Variants in CEP112 observed in about 807,000 individuals in gnomAD.
CEP112 encodes centrosomal protein of 112 kDa.
Under a neutral mutation model 153.0 loss-of-function variants are expected in CEP112, and 127 were observed. The observed-to-expected ratio is 0.83, with a 90% CI of 0.72 to 0.96. CEP112 has a LOEUF of 0.96. Among genes scored for constraint, CEP112 ranks in the 40% least tolerant of loss-of-function variants. The pLI is 0.00. For synonymous variants in CEP112, 358 were observed against 374.4 expected, an observed-to-expected ratio of 0.96 and a Z score of 0.51; for missense variants, 1,089 against 1,101.2, an observed-to-expected ratio of 0.99 and a Z score of 0.16.
In CEP112 at chr17:65,730,462, C is replaced by T. The variant is rs946249347; in HGVS notation, c.2607+12606G>A. 7.9e-5 allele frequency among the ~76,000 whole-genome samples: 12 copies of T among 152,224 alleles called. No individual in the cohort carries two copies. In the South Asian group the frequency reaches 1.0e-3, roughly 13 times the overall value. ...TTTCTTTCTGAGTGAGCAGGCAAACCTTCTTAGGTGGGATGGAAAATACAT... is the reference window on the plus strand; with the variant it reads ...TTTCTTTCTGAGTGAGCAGGCAAACTTTCTTAGGTGGGATGGAAAATACAT... On this transcript the variant is annotated intron_variant, in intron 23 of 26. Transcript: ENST00000535342.
chr17:65,654,938 A>C, intron 24 of CEP112: 1 of 630,712 alleles, frequency 1.6e-6, no homozygotes, highest in Non-Finnish European at 3.0e-6. Flanking sequence ...GATCCATCCT[A>C]AAGCACAAAT....
intron 23 of CEP112, among the ~76,000 whole-genome samples, chr17:65,711,439 A>G (rs1449079515): frequency 1.3e-5 from 2 of 152,234 alleles, no homozygotes; most frequent in African/African-American, 2.4e-5. Flanking sequence ...ACATAAAAAC[A>G]CAATGTTAGC....
intron 24 of CEP112, among the ~76,000 whole-genome samples, chr17:65,643,596 C>G (rs149461442): frequency 1.3e-5 from 2 of 152,110 alleles, no homozygotes; most frequent in East Asian, 1.9e-4. Flanking sequence ...CCATGACACC[C>G]GGGCCCCCTG....
At chr17:65,763,908 G>C (rs780629384) in intron 21 of CEP112, among the ~76,000 whole-genome samples, 1 of 151,910 alleles carries the variant, frequency 6.6e-6, no homozygotes, top group Non-Finnish European at 1.5e-5. Context: ...GATGTATTGG[G>C]TATATGGAAC....
At chr17:66,125,763 A>G (rs1291672074) in intron 6 of CEP112, among the ~76,000 whole-genome samples, 12 of 152,054 alleles carry the variant, frequency 7.9e-5, no homozygotes, top group Non-Finnish European at 1.3e-4. Flanking sequence ...AGAAGAGAAA[A>G]AGAAGAGAAA....
intron 12 of CEP112, among the ~76,000 whole-genome samples, chr17:66,038,531 G>C (rs1052753581): frequency 6.6e-6 from 1 of 152,014 alleles, no homozygotes; most frequent in Non-Finnish European, 1.5e-5. Flanking sequence ...GAGCTGAGAG[G>C]ATGCAAAATA....
intron 17 of CEP112, among the ~76,000 whole-genome samples, chr17:65,969,082 A>T (rs1273384666): frequency 2.1e-5 from 3 of 141,354 alleles, no homozygotes; most frequent in Non-Finnish European, 3.0e-5. Context: ...GTGTGTGTGG[A>T]TTTTTTTTTT....
intron 23 of CEP112, among the ~76,000 whole-genome samples, chr17:65,740,854 T>C (rs748673575): frequency 2.0e-5 from 3 of 152,214 alleles, no homozygotes; most frequent in Non-Finnish European, 4.4e-5. Flanking sequence ...ATAATCAGAA[T>C]GTCCAAATCA....
At chr17:66,129,859 A>C (rs1450249681) in intron 5 of CEP112, 36 bp from the exon 6 acceptor site, 4 of 1,326,954 alleles carry the variant, frequency 3.0e-6, no homozygotes, top group Non-Finnish European at 4.3e-6. Context: ...GAGGAGAGGA[A>C]GGAAAGATGG....
intron 21 of CEP112, among the ~76,000 whole-genome samples, chr17:65,805,637 T>C (rs1019167127): frequency 6.6e-6 from 1 of 152,224 alleles, no homozygotes; most frequent in Non-Finnish European, 1.5e-5. Context: ...TTTAGTTTTT[T>C]GGAAACTGAC....
intron 12 of CEP112, among the ~76,000 whole-genome samples, chr17:66,051,127 A>G (rs1005873578): frequency 7.5e-6 from 1 of 132,812 alleles, no homozygotes; most frequent in Non-Finnish European, 1.6e-5. Context: ...CTACAAGCAC[A>G]CCCCCCCGGG....
intron 23 of CEP112, among the ~76,000 whole-genome samples, chr17:65,737,353 T>C (rs188664627): frequency 3.7e-4 from 56 of 152,302 alleles, no homozygotes; most frequent in African/African-American, 1.3e-3. Context: ...CATTATGTTG[T>C]TATGAGTCAA....
At chr17:65,958,575 G>T (rs1050197105) in intron 18 of CEP112, among the ~76,000 whole-genome samples, 1 of 151,592 alleles carries the variant, frequency 6.6e-6, no homozygotes, top group Non-Finnish European at 1.5e-5. Context: ...GGGTGCTGTC[G>T]CATGCCAGCC....
intron 17 of CEP112, among the ~76,000 whole-genome samples, chr17:65,971,408 C>T (rs1264404457): frequency 5.9e-5 from 3 of 50,552 alleles, no homozygotes; most frequent in Non-Finnish European, 1.3e-4. Flanking sequence ...GTATATTGCA[C>T]CCATGCAGCA....
At chr17:66,049,830 A>C (rs1451971601) in intron 12 of CEP112, among the ~76,000 whole-genome samples, 3 of 152,172 alleles carry the variant, frequency 2.0e-5, no homozygotes, top group African/African-American at 7.2e-5. Context: ...ATAGATCCCT[A>C]AGCAGGAGTA....
chr17:65,675,632 TAAAAG>T (rs77557844), intron 24 of CEP112, among the ~76,000 whole-genome samples: 16,854 of 151,832 alleles, frequency 0.11, 1,085 homozygotes, highest in Admixed American at 0.2. Flanking sequence ...AATATTATAA[TAAAAG>T]AAAACTATAG....
intron 17 of CEP112, among the ~76,000 whole-genome samples, chr17:66,001,923 T>A (rs1329473929): frequency 1.3e-5 from 2 of 152,192 alleles, no homozygotes; most frequent in African/African-American, 4.8e-5. Context: ...TCAGATAACT[T>A]TCCATTTCTG....
rs186036289 is a variant in CEP112 at position 66,178,701 on chromosome 17, C to T, written c.107-1681G>A. 9.1e-4 allele frequency among the ~76,000 whole-genome samples: 138 copies of T among 152,050 alleles called. 1 individual carries two copies. The highest frequency in any genetic ancestry group is 3.1e-3 in the African/African-American group (127 of 41,526). ...TTTCCTTGTTTGAGGTCTTAGATTTCAGTCTTTAATCCATTTTTATTTTTG... is the reference window on the plus strand; with the variant it reads ...TTTCCTTGTTTGAGGTCTTAGATTTTAGTCTTTAATCCATTTTTATTTTTG... On this transcript the variant is annotated intron_variant, in intron 2 of 26. Transcript: ENST00000535342.
intron 21 of CEP112, among the ~76,000 whole-genome samples, chr17:65,798,999 T>C (rs970827247): frequency 1.3e-5 from 2 of 152,218 alleles, no homozygotes; most frequent in African/African-American, 4.8e-5. Context: ...AACCAAATGT[T>C]TGAATTTCCT....
Sources: allele counts gnomAD v4.1 joint callset (sites outside exome capture counted in the v4.1 genomes callset), GRCh38; gene constraint gnomAD v4.1.1; transcripts MANE v1.5; gene names NCBI Gene and HGNC (gene_info 2026-07-23, HGNC 2026-07-21).